DCDC2: variants seen among roughly 807,000 people sequenced by gnomAD.
The protein encoded by DCDC2 is doublecortin domain containing 2, also known as doublecortin domain-containing protein 2.
A neutral mutation model predicts 50.2 loss-of-function variants in DCDC2; 40 were observed. That is an observed-to-expected ratio of 0.80 (90% CI 0.62 to 1.04). The LOEUF (loss-of-function observed/expected upper bound fraction) is 1.04. Ranked by LOEUF, DCDC2 falls within the 50% of genes least tolerant of loss-of-function variation. The probability of loss-of-function intolerance (pLI) is 0.00; values close to 1 mark genes in which losing one functional copy is unlikely to be tolerated. For synonymous variants in DCDC2, 234 were observed against 210.6 expected, an observed-to-expected ratio of 1.11 and a Z score of -0.96; for missense variants, 570 against 581.9, an observed-to-expected ratio of 0.98 and a Z score of 0.21.
chr6:24,358,914 A>ATATATTATATCTAT, upstream of DCDC2, among the ~76,000 whole-genome samples: 1 of 35,978 alleles, frequency 2.8e-5, no homozygotes, highest in Non-Finnish European at 4.5e-5. Context: ...ATTATATATT[A>ATATATTATATCTAT]TATATATTAT....
intron 7 of DCDC2, among the ~76,000 whole-genome samples, chr6:24,212,666 G>A (rs1044531469): frequency 3.3e-5 from 5 of 152,182 alleles, no homozygotes; most frequent in Non-Finnish European, 5.9e-5. Context: ...TTCAATGCTT[G>A]AATGCACACT....
intron 7 of DCDC2, among the ~76,000 whole-genome samples, chr6:24,222,407 G>A (rs1762140235): frequency 6.6e-6 from 1 of 152,182 alleles, no homozygotes; most frequent in African/African-American, 2.4e-5. Flanking sequence ...TTTTTTTCCA[G>A]ATGAAGTCAA....
chr6:24,316,557 C>T (rs1168585873), intron 2 of DCDC2, among the ~76,000 whole-genome samples: 1 of 152,130 alleles, frequency 6.6e-6, no homozygotes, highest in East Asian at 1.9e-4. Flanking sequence ...ACATATTCTA[C>T]AGGTTATTCA....
intron 2 of DCDC2, among the ~76,000 whole-genome samples, chr6:24,313,272 T>G (rs1759603753): frequency 6.6e-6 from 1 of 152,142 alleles, no homozygotes; most frequent in Non-Finnish European, 1.5e-5. Context: ...GTTTCCCTAA[T>G]GCTATGCTTA....
intron 7 of DCDC2, among the ~76,000 whole-genome samples, chr6:24,272,480 T>C (rs1178703716): frequency 6.6e-6 from 1 of 152,138 alleles, no homozygotes; most frequent in East Asian, 1.9e-4. Context: ...CTGTCATTGA[T>C]TCCAGAATTT....
rs1364440706 is a variant in DCDC2, at chr6:24,174,830, T to A, written c.1331A>T (p.Asp444Val). 1.9e-6 allele frequency: 3 copies of A among 1,609,830 alleles called. No homozygotes were observed. The highest frequency in any genetic ancestry group is 1.3e-5 in the African/African-American group (1 of 74,918). The change falls in exon 10 of 10, where the codon GAT (aspartate) becomes GTT (valine). Residue 444 changes from aspartate to valine, a missense_variant. Physicochemically the swap from Asp to Val is radical, Grantham distance 152. Transcript: ENST00000378454. ...QGAGSGQDEA[D>V]VDPQRPPRPE... Reference sequence around the variant, plus strand: ...CCTTGGTGGTCTTTGAGGGTCTACATCAGCCTAGAAGAAAATAGATCAAAA... The same window carrying A: ...CCTTGGTGGTCTTTGAGGGTCTACAACAGCCTAGAAGAAAATAGATCAAAA...
chr6:24,378,534 G>A, the DCDC2 span, among the ~76,000 whole-genome samples: 1 of 152,082 alleles, frequency 6.6e-6, no homozygotes, highest in Admixed American at 6.6e-5. Flanking sequence ...GCTCCCATGT[G>A]GAATAAAGTT....
rs33914824 is a variant in DCDC2 at position 24,301,818 on chromosome 6, G to C, written c.454C>G (p.Pro152Ala). The C allele has an allele frequency of 0.039, 63,178 of 1,614,066 alleles. 1,351 individuals are homozygous for C. The highest frequency in any genetic ancestry group is 0.053 in the South Asian group (4,854 of 91,076). ...FLIANGDLINPASRLLIPRKT... is the reference protein window; with the variant it reads ...FLIANGDLINAASRLLIPRKT... ...CTGGGGATAAGGAGGCGAGAAGCTG[G>C]GTTTATGAGGTCTCCATTTGCAATC... The change falls in exon 4 of 10, where the codon CCA (proline) becomes GCA (alanine). Residue 152 changes from proline to alanine, a missense_variant. Transcript: ENST00000378454.
the DCDC2 span, among the ~76,000 whole-genome samples, chr6:24,363,491 A>G: frequency 6.6e-6 from 1 of 152,106 alleles, no homozygotes; most frequent in South Asian, 2.1e-4. Flanking sequence ...ACAGAATAAG[A>G]CCCTGTCTCA....
At chr6:24,295,171 T>C (rs1410912806) in intron 4 of DCDC2, among the ~76,000 whole-genome samples, 1 of 152,152 alleles carries the variant, frequency 6.6e-6, no homozygotes, top group Non-Finnish European at 1.5e-5. Context: ...ATTCAACATA[T>C]GCAAATCAAT....
At chr6:24,207,290 G>GAC (rs145473567) in intron 7 of DCDC2, among the ~76,000 whole-genome samples, 1,719 of 95,978 alleles carry the variant, frequency 0.018, 32 homozygotes, top group African/African-American at 0.065. Context: ...CTCTCTCTCA[G>GAC]ACACACACAC....
intron 8 of DCDC2, among the ~76,000 whole-genome samples, chr6:24,193,632 A>G (rs895553350): frequency 6.6e-6 from 1 of 152,152 alleles, no homozygotes; most frequent in Non-Finnish European, 1.5e-5. Context: ...ACTAGAGTAC[A>G]CCTAAATGGT....
the DCDC2 span, among the ~76,000 whole-genome samples, chr6:24,372,316 G>A: frequency 6.6e-6 from 1 of 152,074 alleles, no homozygotes; most frequent in Non-Finnish European, 1.5e-5. Context: ...CTACTCGGGA[G>A]GCTGAGGCAG....
intron 6 of DCDC2, among the ~76,000 whole-genome samples, chr6:24,282,547 T>C (rs1373075390): frequency 2.0e-5 from 3 of 152,170 alleles, no homozygotes; most frequent in African/African-American, 7.2e-5. Context: ...CTGGCCAAGA[T>C]TGGGATACTT....
intron 7 of DCDC2, among the ~76,000 whole-genome samples, chr6:24,245,273 C>T (rs767749815): frequency 2.0e-5 from 3 of 152,120 alleles, no homozygotes; most frequent in South Asian, 2.1e-4. Flanking sequence ...AACTTAGGTT[C>T]GAGCGGCTGG....
At chr6:24,217,964 C>G (rs1285781991) in intron 7 of DCDC2, among the ~76,000 whole-genome samples, 1 of 152,108 alleles carries the variant, frequency 6.6e-6, no homozygotes, top group Non-Finnish European at 1.5e-5. Context: ...ACAAATTTTC[C>G]GTAAGATACA....
At chr6:24,334,064 T>C (rs1219413416) in intron 2 of DCDC2, among the ~76,000 whole-genome samples, 5 of 152,216 alleles carry the variant, frequency 3.3e-5, no homozygotes, top group Admixed American at 6.5e-5. Context: ...TAGTTTGTAG[T>C]TATTGCTAAT....
intron 8 of DCDC2, among the ~76,000 whole-genome samples, chr6:24,199,808 T>A (rs967997935): frequency 2.0e-5 from 3 of 152,038 alleles, no homozygotes; most frequent in East Asian, 1.9e-4. Flanking sequence ...CCAGTTTGGA[T>A]AAGAACATAA....
chr6:24,291,822 C>T (rs1763759406), intron 4 of DCDC2, among the ~76,000 whole-genome samples: 1 of 152,170 alleles, frequency 6.6e-6, no homozygotes, highest in South Asian at 2.1e-4. Flanking sequence ...TTAGCATATT[C>T]ATCAGGCTGG....
Sources: gnomAD v4.1 joint callset for allele counts (sites outside exome capture counted in the v4.1 genomes callset) on GRCh38, gnomAD v4.1.1 for gene constraint, MANE v1.5 for transcripts, NCBI Gene and HGNC (gene_info 2026-07-23, HGNC 2026-07-21) for gene names.